The following ALKBH1 variants were observed in gnomAD, a reference collection of about 807,000 sequenced individuals.
ALKBH1 encodes nucleic acid dioxygenase ALKBH1.
ALKBH1 carries 31 observed loss-of-function variants against 36.6 expected under a neutral mutation model. The ratio of observed to expected loss-of-function variants is 0.85; its 90% confidence interval spans 0.64 to 1.14. The LOEUF is 1.14. Ranked by LOEUF, ALKBH1 falls within the 50% of genes most tolerant of loss-of-function variation. The pLI is 0.00. For synonymous variants in ALKBH1, 183 were observed against 186.6 expected (o/e 0.98, Z 0.16); for missense variants, 490 against 497.3 (o/e 0.99, Z 0.14).
chr14:77,686,178 T>A (rs1200299171), intron 3 of ALKBH1, among the ~76,000 whole-genome samples: 1 of 152,144 alleles, frequency 6.6e-6, no homozygotes, highest in Non-Finnish European at 1.5e-5. Flanking sequence ...GTAACAAAAA[T>A]TCCAAGATTT....
Position 77,694,883 on chromosome 14 carries a change from T to C in ALKBH1, c.310A>G (p.Asn104Asp). 6.4e-7 allele frequency: 1 copy of C among 1,562,534 alleles called. No homozygotes were observed. Among genetic ancestry groups the C allele is most frequent in the Non-Finnish European group, 8.6e-7 (1 of 1,159,544 alleles). The change falls in exon 3 of 6, where the codon AAC becomes GAC. Residue 104 changes from asparagine to aspartate, a missense_variant. By Grantham distance (23) the Asn-to-Asp change is conservative (BLOSUM62 1). Transcript: ENST00000216489. ...CACTGGTAACCTGGGAGGAAGGGGT[T>C]TGGGATAAAAATAAACCCTATACAA... Reference protein sequence around the residue: ...KGYPGFIFIPNPFLPGYQWHW... With the variant: ...KGYPGFIFIPDPFLPGYQWHW...
chr14:77,699,264 T>G (rs143360557), intron 2 of ALKBH1, among the ~76,000 whole-genome samples: 577 of 152,310 alleles, frequency 3.8e-3, no homozygotes, highest in Middle Eastern at 0.01. Flanking sequence ...AGAATTACTA[T>G]GGAAAGCAGA....
intron 2 of ALKBH1, among the ~76,000 whole-genome samples, chr14:77,698,763 C>CTTT (rs1032023319): frequency 6.6e-6 from 1 of 151,972 alleles, no homozygotes; most frequent in African/African-American, 2.4e-5. Context: ...TATTTGGTCT[C>CTTT]TTTATTTTTA....
intron 1 of ALKBH1, among the ~76,000 whole-genome samples, chr14:77,705,184 G>GC (rs1231876315): frequency 6.6e-6 from 1 of 152,150 alleles, no homozygotes; most frequent in Non-Finnish European, 1.5e-5. Flanking sequence ...GGAGGCTGAG[G>GC]CAGGCGGATC....
chr14:77,701,403 G>A (rs1489652816), intron 2 of ALKBH1, among the ~76,000 whole-genome samples: 1 of 152,182 alleles, frequency 6.6e-6, no homozygotes, highest in Non-Finnish European at 1.5e-5. Context: ...GGCAGAGCCA[G>A]GATATGAACC....
At chr14:77,682,285 C>T (rs1442357727) in intron 3 of ALKBH1, among the ~76,000 whole-genome samples, 1 of 152,096 alleles carries the variant, frequency 6.6e-6, no homozygotes, top group Non-Finnish European at 1.5e-5. Flanking sequence ...GCTAAAGGTA[C>T]AAATAAAAGA....
intron 1 of ALKBH1, among the ~76,000 whole-genome samples, chr14:77,705,097 C>T (rs1007614390): frequency 6.6e-6 from 1 of 152,100 alleles, no homozygotes; most frequent in Admixed American, 6.5e-5. Context: ...CTATAAGGAA[C>T]ACCAAGCTGG....
intron 3 of ALKBH1, among the ~76,000 whole-genome samples, chr14:77,686,984 C>T (rs545217456): frequency 3.7e-4 from 56 of 152,274 alleles, no homozygotes; most frequent in African/African-American, 1.3e-3. Flanking sequence ...CTTGACACTC[C>T]CAGTCACTCA....
chr14:77,688,797 C>G (rs902815221), intron 3 of ALKBH1, among the ~76,000 whole-genome samples: 3 of 151,996 alleles, frequency 2.0e-5, no homozygotes, highest in Non-Finnish European at 4.4e-5. Context: ...GTCTTGAACT[C>G]CCGACCTCAG....
In ALKBH1 at chr14:77,706,102, C is replaced by CAT. The variant is rs1328529254; in HGVS notation, c.184-1626_184-1625insAT. Among the ~76,000 whole-genome samples, 9 of 113,442 alleles carry CAT rather than the reference C, an allele frequency of 7.9e-5. No homozygotes were observed. The East Asian group carries it at 1.8e-3, about 22-fold the overall frequency. The allele number at this position is 113,442 out of a possible 152,430, so 74.4% of individuals were successfully genotyped here. A position where few individuals can be genotyped will look rare whatever the true frequency, so the allele number is the denominator to read the frequency against. On this transcript the variant is annotated intron_variant, in intron 1 of 5. Coordinates refer to ENST00000216489, the MANE Select transcript of ALKBH1 (RefSeq NM_006020.3). ...ATATATACACACACATATATACACA[C>CAT]ACACATATATATATATATGAAACAT...
Position 77,707,896 on chromosome 14 carries a change from T to C in ALKBH1, c.109A>G (p.Thr37Ala). Residue 37 changes from threonine to alanine, a missense_variant, in exon 1 of 6, where the codon ACC (threonine) becomes GCC (alanine). Physicochemically the swap from Thr to Ala is moderately conservative, Grantham distance 58. Coordinates refer to ENST00000216489, the MANE Select transcript of ALKBH1 (RefSeq NM_006020.3). ...FRFYRQSRPG[T>A]ADLEGVIDFS... Reference sequence around the variant, plus strand: ...TCGATGACCCCTTCCAGGTCTGCGGTCCCGGGCCGGCTCTGACGGTAGAAG... The same window carrying C: ...TCGATGACCCCTTCCAGGTCTGCGGCCCCGGGCCGGCTCTGACGGTAGAAG... 1 of 1,613,384 alleles carries C rather than the reference T, an allele frequency of 6.2e-7. No individual in the cohort carries two copies. The highest frequency in any genetic ancestry group is 1.1e-5 in the South Asian group (1 of 91,052).
Position 77,675,376 on chromosome 14 carries a change from G to A in ALKBH1, c.740+280C>T, listed in dbSNP as rs1377283435. On this transcript the variant is annotated intron_variant, in intron 5 of 5. Coordinates refer to ENST00000216489, the MANE Select transcript of ALKBH1 (RefSeq NM_006020.3). Reference sequence around the variant, plus strand: ...TTGAAACTGGGAGGCGGAGGTTGAAGTGAGCTGAGATCAAGCCACTGTATT... The same window carrying A: ...TTGAAACTGGGAGGCGGAGGTTGAAATGAGCTGAGATCAAGCCACTGTATT... Among the ~76,000 whole-genome samples the A allele has an allele frequency of 2.0e-5, 3 of 152,036 alleles. No individual in the cohort carries two copies. The East Asian group carries it at 5.8e-4, about 29-fold the overall frequency.
intron 3 of ALKBH1, among the ~76,000 whole-genome samples, chr14:77,694,420 AG>A (rs1566815919): frequency 6.6e-6 from 1 of 152,348 alleles, no homozygotes; most frequent in East Asian, 1.9e-4. Flanking sequence ...AAGCCTTCAA[AG>A]GAACTCACTT....
At chr14:77,680,978 C>G (rs983328357) in intron 3 of ALKBH1, among the ~76,000 whole-genome samples, 1 of 152,148 alleles carries the variant, frequency 6.6e-6, no homozygotes. Flanking sequence ...AACTGGCCCA[C>G]TACTCTTTTT....
At position 77,674,102 on chromosome 14, in the gene ALKBH1, G is replaced by A. The variant is rs756655282; in HGVS notation, c.880C>T (p.Pro294Ser). ...GGCAGGCCTTCCCCTTCTGGATTTGGAAGGACACGAGGGACTGCGTGGTTC... is the reference window on the plus strand; with the variant it reads ...GGCAGGCCTTCCCCTTCTGGATTTGAAAGGACACGAGGGACTGCGTGGTTC... Reference protein sequence around the residue: ...LLNHAVPRVLPNPEGEGLPHC... With the variant: ...LLNHAVPRVLSNPEGEGLPHC... The change falls in exon 6 of 6, where the codon CCA (proline) becomes TCA (serine). Residue 294 changes from proline to serine, a missense_variant. Physicochemically the swap from Pro to Ser is moderately conservative, Grantham distance 74 (BLOSUM62 -1). Transcript: ENST00000216489. The A allele has an allele frequency of 3.7e-6, 6 of 1,614,178 alleles. No homozygotes were observed. Among genetic ancestry groups the A allele is most frequent in the South Asian group, 3.3e-5 (3 of 91,080 alleles).
chr14:77,704,280 T>C, intron 2 of ALKBH1, 89 bp downstream of exon 2: 1 of 930,768 alleles, frequency 1.1e-6, no homozygotes, highest in Non-Finnish European at 1.8e-6. Flanking sequence ...CTTTGTCTAT[T>C]TACTTGCTCA....
At chr14:77,694,705 T>C in intron 3 of ALKBH1, 33 bp downstream of exon 3, 1 of 1,540,704 alleles carries the variant, frequency 6.5e-7, no homozygotes, top group Non-Finnish European at 8.7e-7. Flanking sequence ...CTGAGCTGAG[T>C]ATTAACACTT....
intron 4 of ALKBH1, among the ~76,000 whole-genome samples, chr14:77,676,763 A>G (rs2080208495): frequency 6.6e-6 from 1 of 152,180 alleles, no homozygotes; most frequent in African/African-American, 2.4e-5. Context: ...ATCCTAAACT[A>G]AAAAGTTAAT....
intron 5 of ALKBH1, among the ~76,000 whole-genome samples, chr14:77,674,793 C>A (rs564998127): frequency 6.6e-6 from 1 of 152,276 alleles, no homozygotes; most frequent in East Asian, 1.9e-4. Flanking sequence ...CTCAAGTGAT[C>A]CACTGGCCTC....
Sources: gnomAD v4.1 joint callset for allele counts (sites outside exome capture counted in the v4.1 genomes callset) on GRCh38, gnomAD v4.1.1 for gene constraint, MANE v1.5 for transcripts, NCBI Gene and HGNC (gene_info 2026-07-23, HGNC 2026-07-21) for gene names.